The following IL17B variants were observed in gnomAD, a reference collection of about 807,000 sequenced individuals.
IL17B encodes the protein interleukin-17B.
A neutral mutation model predicts 14.7 loss-of-function variants in IL17B; 14 were observed. That is an observed-to-expected ratio of 0.95 (90% CI 0.63 to 1.49). The LOEUF (loss-of-function observed/expected upper bound fraction) is 1.49. IL17B is among the 40% of genes most tolerant of loss of function. IL17B has a pLI of 0.00. For missense variants in IL17B, 233 were observed against 252.8 expected (o/e 0.92, Z 0.53); for synonymous variants, 105 against 94.8 (o/e 1.11, Z -0.62).
intron 1 of IL17B, among the ~76,000 whole-genome samples, chr5:149,399,776 G>A (rs186082437): frequency 1.2e-4 from 18 of 152,288 alleles, no homozygotes; most frequent in African/African-American, 4.1e-4. Context: ...TAATACCCCA[G>A]GTGCATGTGC....
At chr5:149,379,111 C>A (rs1581385514) in intron 1 of IL17B, 94 bp downstream of exon 1, 1 of 1,494,128 alleles carries the variant, frequency 6.7e-7, no homozygotes, top group Non-Finnish European at 9.3e-7. Flanking sequence ...GATTCTAAAC[C>A]AAACAGAGGC....
intron 1 of IL17B, among the ~76,000 whole-genome samples, chr5:149,394,576 T>C (rs1392472527): frequency 6.6e-6 from 1 of 152,234 alleles, no homozygotes; most frequent in East Asian, 1.9e-4. Flanking sequence ...TAAAAGTCTT[T>C]ACATAATTCC....
At chr5:149,393,714 T>C (rs1179951671) in intron 1 of IL17B, among the ~76,000 whole-genome samples, 3 of 152,000 alleles carry the variant, frequency 2.0e-5, no homozygotes, top group African/African-American at 7.3e-5. Flanking sequence ...CCACAATGTA[T>C]CCTCAGACAG....
intron 1 of IL17B, among the ~76,000 whole-genome samples, chr5:149,395,579 A>G (rs1581395904): frequency 6.6e-6 from 1 of 152,264 alleles, no homozygotes; most frequent in Non-Finnish European, 1.5e-5. Flanking sequence ...TCTTCAGGCA[A>G]ATGCGACTTT....
chr5:149,380,314 A>C (rs1581386732), upstream of IL17B, among the ~76,000 whole-genome samples: 1 of 152,264 alleles, frequency 6.6e-6, no homozygotes, highest in East Asian at 1.9e-4. Context: ...CCTGGCACAT[A>C]GTAAGTGCTC....
At chr5:149,387,712 G>C (rs1337165753) in intron 1 of IL17B, among the ~76,000 whole-genome samples, 1 of 149,150 alleles carries the variant, frequency 6.7e-6, no homozygotes, top group African/African-American at 2.5e-5. Context: ...ATAGGTCAAG[G>C]CTGCAGTGAG....
chr5:149,402,335 A>C (rs1759222039), intron 1 of IL17B, among the ~76,000 whole-genome samples: 1 of 152,198 alleles, frequency 6.6e-6, no homozygotes, highest in Non-Finnish European at 1.5e-5. Flanking sequence ...AGGGCCCTTC[A>C]ATGCAAGCCT....
chr5:149,397,088 G>A (rs1355942831), intron 1 of IL17B, among the ~76,000 whole-genome samples: 2 of 152,182 alleles, frequency 1.3e-5, no homozygotes, highest in Non-Finnish European at 2.9e-5. Flanking sequence ...GCAAGTATAT[G>A]TTGTACATTT....
intron 1 of IL17B, among the ~76,000 whole-genome samples, chr5:149,386,908 G>A (rs186365877): frequency 1.3e-5 from 2 of 152,316 alleles, no homozygotes; most frequent in Admixed American, 6.5e-5. Flanking sequence ...GTTTCATCAT[G>A]TTGGCCAGGC....
At chr5:149,387,660 G>A (rs1263073764) in intron 1 of IL17B, among the ~76,000 whole-genome samples, 1 of 150,976 alleles carries the variant, frequency 6.6e-6, no homozygotes, top group Non-Finnish European at 1.5e-5. Flanking sequence ...TGTAGTCCCA[G>A]CTACTCAGGA....
In IL17B at chr5:149,396,192, AT is replaced by A. The variant is rs150288629; in HGVS notation, n.95+7915del. Among the ~76,000 whole-genome samples the A allele has an allele frequency of 9.3e-3, 1,416 of 152,360 alleles. 17 individuals carry two copies. The highest frequency in any genetic ancestry group is 0.032 in the African/African-American group (1,343 of 41,586). ...AGTATGGTTTGAAGATTCAGTTGAAATCCATTTTCTTTTGCAAAGTCCACTG... is the reference window on the plus strand; with the variant it reads ...AGTATGGTTTGAAGATTCAGTTGAAACCATTTTCTTTTGCAAAGTCCACTG... On this transcript the variant is annotated intron_variant and non_coding_transcript_variant, in intron 1 of 2. Transcript: ENST00000505432.
chr5:149,381,894 C>T (rs1724786456), upstream of IL17B, among the ~76,000 whole-genome samples: 1 of 152,184 alleles, frequency 6.6e-6, no homozygotes, highest in Non-Finnish European at 1.5e-5. Context: ...TCCCACCCCA[C>T]GAGTGAGGCT....
chr5:149,397,031 T>C (rs540660098), intron 1 of IL17B, among the ~76,000 whole-genome samples: 9 of 152,340 alleles, frequency 5.9e-5, no homozygotes, highest in Non-Finnish European at 1.2e-4. Context: ...ATATTTGAAA[T>C]ACTCTCTGCA....
intron 1 of IL17B, among the ~76,000 whole-genome samples, chr5:149,398,997 G>A (rs1759155115): frequency 6.6e-6 from 1 of 152,226 alleles, no homozygotes; most frequent in Non-Finnish European, 1.5e-5. Context: ...GCAGCAGCAA[G>A]AGAGAAGAGT....
chr5:149,403,134 G>GA (rs1265745144), intron 1 of IL17B, among the ~76,000 whole-genome samples: 1 of 151,790 alleles, frequency 6.6e-6, no homozygotes, highest in African/African-American at 2.4e-5. Flanking sequence ...GCCCAGACTG[G>GA]AATGCAGTGA....
At chr5:149,402,711 A>C (rs1402219780) in intron 1 of IL17B, among the ~76,000 whole-genome samples, 1 of 148,952 alleles carries the variant, frequency 6.7e-6, no homozygotes, top group Non-Finnish European at 1.5e-5. Context: ...AAAAAAAAGA[A>C]CAAAAACTCG....
intron 1 of IL17B, among the ~76,000 whole-genome samples, chr5:149,396,654 C>A (rs1561718207): frequency 6.6e-6 from 1 of 152,026 alleles, no homozygotes; most frequent in Non-Finnish European, 1.5e-5. Context: ...GCCTATAGTC[C>A]CGGAAGGCAG....
chr5:149,382,438 A>C (rs1255309753), upstream of IL17B, among the ~76,000 whole-genome samples: 3 of 152,216 alleles, frequency 2.0e-5, no homozygotes, highest in Non-Finnish European at 4.4e-5. Flanking sequence ...ACAGAAAATA[A>C]CAGTAACAAT....
upstream of IL17B, among the ~76,000 whole-genome samples, chr5:149,383,459 G>A (rs1010358196): frequency 7.2e-5 from 11 of 152,218 alleles, no homozygotes; most frequent in Admixed American, 2.0e-4. Flanking sequence ...GTAAGGTCAG[G>A]GAAGGCGGGA....
Sources: gnomAD v4.1 joint callset for allele counts (sites outside exome capture counted in the v4.1 genomes callset) on GRCh38, gnomAD v4.1.1 for gene constraint, MANE v1.5 for transcripts, NCBI Gene and HGNC (gene_info 2026-07-23, HGNC 2026-07-21) for gene names.